CSMD3: variants seen among roughly 807,000 people sequenced by gnomAD.
CSMD3 encodes CUB and sushi domain-containing protein 3.
CSMD3 carries 177 observed loss-of-function variants against 435.2 expected under a neutral mutation model. The observed-to-expected ratio is 0.41, with a 90% CI of 0.36 to 0.46. The LOEUF (loss-of-function observed/expected upper bound fraction) is 0.46. CSMD3 is among the 20% of genes least tolerant of loss of function. The pLI is 0.34. For synonymous variants in CSMD3, 1,656 were observed against 1,520.5 expected (o/e 1.09, Z -2.07); for missense variants, 4,265 against 4,504.6 (o/e 0.95, Z 1.52).
intron 27 of CSMD3, among the ~76,000 whole-genome samples, chr8:112,519,915 G>C (rs997549838): frequency 6.6e-6 from 1 of 152,038 alleles, no homozygotes; most frequent in Non-Finnish European, 1.5e-5. Context: ...AAAACTCAAC[G>C]ATATGGTTAT....
intron 50 of CSMD3, among the ~76,000 whole-genome samples, chr8:112,307,429 G>A (rs189409986): frequency 4.6e-5 from 7 of 152,120 alleles, no homozygotes; most frequent in African/African-American, 9.6e-5. Context: ...CTACAGGCAC[G>A]CATCACCAGG....
chr8:113,210,003 G>GGTGTGTGTGT (rs3048831), intron 3 of CSMD3, among the ~76,000 whole-genome samples: 193 of 139,042 alleles, frequency 1.4e-3, no homozygotes, highest in Middle Eastern at 3.9e-3. Flanking sequence ...TCTCCTAAAA[G>GGTGTGTGTGT]GTGTGTGTGT....
intron 5 of CSMD3, among the ~76,000 whole-genome samples, chr8:113,042,299 T>C (rs2087656125): frequency 6.6e-6 from 1 of 152,140 alleles, no homozygotes; most frequent in South Asian, 2.1e-4. Context: ...GAATCACAAA[T>C]TAATTAGAAT....
intron 14 of CSMD3, among the ~76,000 whole-genome samples, chr8:112,688,901 A>G (rs1294737503): frequency 6.6e-6 from 1 of 152,040 alleles, no homozygotes; most frequent in East Asian, 1.9e-4. Context: ...AAATGCTCTT[A>G]AAATATTTTT....
intron 56 of CSMD3, 147 bp from the exon 57 acceptor site, chr8:112,289,685 C>A: frequency 1.7e-6 from 1 of 588,748 alleles, no homozygotes; most frequent in South Asian, 2.6e-5. Flanking sequence ...TTGAAGGTGT[C>A]TTTTTAAAAA....
chr8:112,308,183 G>C (rs1007106312), intron 50 of CSMD3, among the ~76,000 whole-genome samples: 1 of 152,034 alleles, frequency 6.6e-6, no homozygotes, highest in Admixed American at 6.6e-5. Context: ...GTGTTGAAAA[G>C]TAAATGGTTC....
chr8:113,166,467 T>C (rs1214845636), intron 4 of CSMD3, among the ~76,000 whole-genome samples: 4 of 152,108 alleles, frequency 2.6e-5, no homozygotes, highest in Non-Finnish European at 4.4e-5. Flanking sequence ...ATTGCACCAT[T>C]GTACTCCAGC....
Position 113,161,129 on chromosome 8 carries a change from C to G in CSMD3, c.709+12593G>C, listed in dbSNP as rs902219940. Among the ~76,000 whole-genome samples, 4 of 152,086 alleles carry G rather than the reference C, an allele frequency of 2.6e-5. No homozygotes were observed. The East Asian group carries it at 7.7e-4, about 29-fold the overall frequency. On this transcript the variant is annotated intron_variant, in intron 4 of 70. Coordinates refer to ENST00000297405, the MANE Select transcript of CSMD3 (RefSeq NM_198123.2). ...GAATTTTAGTCTATTCTCTGAGCATCTTCACATGCCAGGAGATGAATCCGG... is the reference window on the plus strand; with the variant it reads ...GAATTTTAGTCTATTCTCTGAGCATGTTCACATGCCAGGAGATGAATCCGG...
intron 5 of CSMD3, among the ~76,000 whole-genome samples, chr8:113,050,738 T>C (rs1307513869): frequency 6.6e-6 from 1 of 152,100 alleles, no homozygotes; most frequent in African/African-American, 2.4e-5. Flanking sequence ...TCTCTGATTG[T>C]TGTTGTCTAA....
intron 24 of CSMD3, among the ~76,000 whole-genome samples, chr8:112,566,529 G>C (rs1286324990): frequency 6.6e-6 from 1 of 152,048 alleles, no homozygotes; most frequent in Non-Finnish European, 1.5e-5. Flanking sequence ...GTGAGGGTAT[G>C]GGAATTCTTG....
intron 24 of CSMD3, among the ~76,000 whole-genome samples, chr8:112,569,195 C>G (rs1829301276): frequency 6.6e-6 from 1 of 152,030 alleles, no homozygotes; most frequent in Non-Finnish European, 1.5e-5. Context: ...TTAAACATGC[C>G]CATAGTTACA....
chr8:112,252,195 C>T (rs1332811257), intron 63 of CSMD3, among the ~76,000 whole-genome samples: 2 of 151,924 alleles, frequency 1.3e-5, no homozygotes, highest in Non-Finnish European at 2.9e-5. Context: ...AACTCACTAC[C>T]GGCCACCTAA....
intron 13 of CSMD3, among the ~76,000 whole-genome samples, chr8:112,733,708 T>A (rs2077124012): frequency 6.6e-6 from 1 of 152,030 alleles, no homozygotes; most frequent in Admixed American, 6.6e-5. Flanking sequence ...GCAATTATGT[T>A]AGTTCTAGTA....
chr8:113,212,752 G>T (rs145392769), intron 3 of CSMD3, among the ~76,000 whole-genome samples: 3 of 151,808 alleles, frequency 2.0e-5, no homozygotes, highest in African/African-American at 7.3e-5. Context: ...GTGGGGGAAG[G>T]GGGGAGGGAT....
intron 32 of CSMD3, among the ~76,000 whole-genome samples, chr8:112,419,531 G>T (rs1291373875): frequency 6.6e-6 from 1 of 152,062 alleles, no homozygotes; most frequent in Non-Finnish European, 1.5e-5. Context: ...AATAAATGGG[G>T]TCGTAATTTA....
At chr8:113,265,077 A>T (rs1156534480) in intron 3 of CSMD3, among the ~76,000 whole-genome samples, 1 of 151,638 alleles carries the variant, frequency 6.6e-6, no homozygotes, top group Non-Finnish European at 1.5e-5. Context: ...TTTTTTATAC[A>T]TGTTGCTAAA....
intron 20 of CSMD3, chr8:112,643,660 A>G (rs1211471474): frequency 6.1e-6 from 1 of 165,230 alleles, no homozygotes; most frequent in Non-Finnish European, 1.5e-5. Context: ...GCACACTGGG[A>G]TAATGGGACA....
intron 53 of CSMD3, among the ~76,000 whole-genome samples, chr8:112,298,372 A>G (rs1820549691): frequency 6.6e-6 from 1 of 152,160 alleles, no homozygotes; most frequent in Non-Finnish European, 1.5e-5. Context: ...CAAGTAAAAA[A>G]GCTCCTCAAT....
At chr8:113,298,434 G>A (rs1441193814) in intron 2 of CSMD3, among the ~76,000 whole-genome samples, 2 of 151,586 alleles carry the variant, frequency 1.3e-5, no homozygotes, top group African/African-American at 4.9e-5. Context: ...TTTCATTATT[G>A]ACCTCAAAAT....
Sources: allele counts gnomAD v4.1 joint callset (sites outside exome capture counted in the v4.1 genomes callset), GRCh38; gene constraint gnomAD v4.1.1; transcripts MANE v1.5; gene names NCBI Gene and HGNC (gene_info 2026-07-23, HGNC 2026-07-21).